The following BMPR1A variants were observed in gnomAD, a reference collection of about 807,000 sequenced individuals.
BMPR1A encodes bone morphogenetic protein receptor type-1A.
A neutral mutation model predicts 66.0 loss-of-function variants in BMPR1A; 7 were observed. That is an observed-to-expected ratio of 0.11 (90% CI 0.06 to 0.20). BMPR1A has a LOEUF of 0.20. Ranked by LOEUF, BMPR1A falls within the 10% of genes least tolerant of loss-of-function variation. BMPR1A has a pLI of 1.00. For synonymous variants in BMPR1A, 200 were observed against 229.7 expected (o/e 0.87, Z 1.17); for missense variants, 408 against 669.1 (o/e 0.61, Z 4.31).
chr10:86,886,817 G>A (rs1363999489), intron 3 of BMPR1A, among the ~76,000 whole-genome samples: 2 of 140,352 alleles, frequency 1.4e-5, no homozygotes, highest in African/African-American at 2.6e-5. Flanking sequence ...AAACACCTCC[G>A]TATTTTGTCA....
In BMPR1A at chr10:86,799,386, GGCACACTGCA is replaced by G. The variant is rs545747816; in HGVS notation, c.-267-39477_-267-39468del. ...TGTGAAAATGCTTAGTAATGTGCTG[GGCACACTGCA>G]GGTGCTCTACAAATAACTACTGATA... is the stretch of plus-strand genomic sequence containing the variant. On this transcript the variant is annotated intron_variant, in intron 1 of 12. Transcript: ENST00000372037. Among the ~76,000 whole-genome samples, 721 of 152,064 alleles carry G rather than the reference GGCACACTGCA, an allele frequency of 4.7e-3. 3 individuals carry two copies. Among genetic ancestry groups the G allele is most frequent in the Non-Finnish European group, 8.2e-3 (555 of 67,986 alleles).
chr10:86,865,378 C>T (rs1265289651), intron 2 of BMPR1A, among the ~76,000 whole-genome samples: 3 of 152,162 alleles, frequency 2.0e-5, no homozygotes, highest in African/African-American at 4.8e-5. Context: ...GCTCAAAAAG[C>T]TCCCCCACTG....
At chr10:86,772,351 C>T (rs1319039758) in intron 1 of BMPR1A, among the ~76,000 whole-genome samples, 2 of 151,732 alleles carry the variant, frequency 1.3e-5, no homozygotes, top group African/African-American at 4.8e-5. Context: ...AGGATGGTCT[C>T]GATCTCCTGA....
chr10:86,875,130 T>C (rs916404052), intron 2 of BMPR1A, among the ~76,000 whole-genome samples: 1 of 151,582 alleles, frequency 6.6e-6, no homozygotes, highest in Non-Finnish European at 1.5e-5. Flanking sequence ...CCTAGCACTT[T>C]GGGAGGCTGA....
intron 7 of BMPR1A, among the ~76,000 whole-genome samples, chr10:86,901,068 G>A (rs1305957179): frequency 6.6e-6 from 1 of 152,234 alleles, no homozygotes; most frequent in Admixed American, 6.5e-5. Flanking sequence ...CACTCTGGGG[G>A]AAGCCAGGCA....
intron 2 of BMPR1A, among the ~76,000 whole-genome samples, chr10:86,867,728 G>A (rs568125737): frequency 6.6e-6 from 1 of 152,310 alleles, no homozygotes; most frequent in Non-Finnish European, 1.5e-5. Context: ...AAACCTGGAA[G>A]CATTTCTTCT....
intron 1 of BMPR1A, among the ~76,000 whole-genome samples, chr10:86,758,195 G>C (rs1481419701): frequency 6.6e-6 from 1 of 152,160 alleles, no homozygotes; most frequent in Non-Finnish European, 1.5e-5. Context: ...AGTAGAACCA[G>C]ACTCAGTTCT....
chr10:86,886,087 C>G (rs1489564624), intron 3 of BMPR1A, among the ~76,000 whole-genome samples: 1 of 152,058 alleles, frequency 6.6e-6, no homozygotes, highest in Non-Finnish European at 1.5e-5. Context: ...GAAATATAAC[C>G]TATACCCCCA....
chr10:86,759,182 A>G (rs1180009050), intron 1 of BMPR1A, among the ~76,000 whole-genome samples: 1 of 152,216 alleles, frequency 6.6e-6, no homozygotes, highest in Non-Finnish European at 1.5e-5. Flanking sequence ...AGAGTTAACT[A>G]TTAACTAGAT....
At chr10:86,772,106 T>C (rs559780653) in intron 1 of BMPR1A, among the ~76,000 whole-genome samples, 67 of 150,664 alleles carry the variant, frequency 4.4e-4, no homozygotes, top group African/African-American at 1.5e-3. Flanking sequence ...ACATGTTTAA[T>C]TGGCGATGGT....
intron 1 of BMPR1A, among the ~76,000 whole-genome samples, chr10:86,790,664 T>C (rs909919291): frequency 7.3e-6 from 1 of 137,722 alleles, no homozygotes; most frequent in Admixed American, 7.4e-5. Context: ...TTTGAAAACA[T>C]TAATGCAGGT....
intron 2 of BMPR1A, among the ~76,000 whole-genome samples, chr10:86,870,028 T>C (rs986263558): frequency 6.6e-6 from 1 of 152,146 alleles, no homozygotes; most frequent in Admixed American, 6.5e-5. Context: ...ATTATTTATA[T>C]TTATTATTTT....
intron 8 of BMPR1A, among the ~76,000 whole-genome samples, chr10:86,914,438 AG>A (rs1270532685): frequency 6.6e-6 from 1 of 152,254 alleles, no homozygotes; most frequent in Non-Finnish European, 1.5e-5. Flanking sequence ...TTAGAAGACA[AG>A]AAAATGAGAA....
intron 7 of BMPR1A, among the ~76,000 whole-genome samples, chr10:86,909,065 A>G (rs1366755373): frequency 6.6e-6 from 1 of 152,196 alleles, no homozygotes; most frequent in Non-Finnish European, 1.5e-5. Context: ...CAGTCATGTT[A>G]TACAGCGAGG....
At chr10:86,849,149 G>T (rs1327443175) in intron 2 of BMPR1A, among the ~76,000 whole-genome samples, 1 of 152,170 alleles carries the variant, frequency 6.6e-6, no homozygotes. Context: ...AGAATCTTAT[G>T]AATTAATTCC....
rs577622051 is a variant in BMPR1A, at chr10:86,907,468, A to T, written c.531-4772A>T. Among the ~76,000 whole-genome samples the T allele has an allele frequency of 9.2e-5, 14 of 152,338 alleles. No individual in the cohort carries two copies. In the East Asian group the frequency reaches 2.7e-3, roughly 29 times the overall value. On this transcript the variant is annotated intron_variant, in intron 7 of 12. Coordinates refer to ENST00000372037, the MANE Select transcript of BMPR1A (RefSeq NM_004329.3). ...ATCAGAACTACCATATGATCTTGCAATCCCACTATTTGGTATATATCCAAA... is the reference window on the plus strand; with the variant it reads ...ATCAGAACTACCATATGATCTTGCATTCCCACTATTTGGTATATATCCAAA...
At chr10:86,801,910 TTCA>T (rs1274128534) in intron 1 of BMPR1A, among the ~76,000 whole-genome samples, 3 of 152,070 alleles carry the variant, frequency 2.0e-5, no homozygotes, top group African/African-American at 7.2e-5. Flanking sequence ...GAGACGGAGT[TTCA>T]TCATGTTAGC....
chr10:86,795,440 A>G (rs1275616515), intron 1 of BMPR1A, among the ~76,000 whole-genome samples: 1 of 151,648 alleles, frequency 6.6e-6, no homozygotes, highest in Non-Finnish European at 1.5e-5. Context: ...CTAACGCTGT[A>G]ACAGTGAATA....
chr10:86,777,991 T>C (rs1476884618), intron 1 of BMPR1A, among the ~76,000 whole-genome samples: 1 of 144,550 alleles, frequency 6.9e-6, no homozygotes, highest in Non-Finnish European at 1.5e-5. Context: ...CCAGCCTGGG[T>C]AACAAGAGCG....
Sources: gnomAD v4.1 joint callset for allele counts (sites outside exome capture counted in the v4.1 genomes callset) on GRCh38, gnomAD v4.1.1 for gene constraint, MANE v1.5 for transcripts, NCBI Gene and HGNC (gene_info 2026-07-23, HGNC 2026-07-21) for gene names.